Variants in SRCIN1 observed in about 807,000 individuals in gnomAD.
The protein encoded by SRCIN1 is P130Cas-associated protein.
Under a neutral mutation model 116.2 loss-of-function variants are expected in SRCIN1, and 50 were observed. The ratio of observed to expected loss-of-function variants is 0.43; its 90% CI spans 0.34 to 0.54. SRCIN1 has a LOEUF of 0.54. Ranked by LOEUF, SRCIN1 falls within the 20% of genes least tolerant of loss-of-function variation. The pLI is 0.02. For missense variants in SRCIN1, 1,446 were observed against 1,672.0 expected (o/e 0.86, Z 2.36); for synonymous variants, 736 against 750.0 (o/e 0.98, Z 0.30).
At chr17:38,603,570 C>T (rs1909184452) in intron 1 of SRCIN1, among the ~76,000 whole-genome samples, 1 of 152,090 alleles carries the variant, frequency 6.6e-6, no homozygotes, top group Non-Finnish European at 1.5e-5. Context: ...TGAGGGTCAT[C>T]ACAGAGAACC....
In SRCIN1 at chr17:38,561,902, G is replaced by A. The variant is rs1360544322; in HGVS notation, c.1261C>T (p.Pro421Ser). ...CGCTTGTAGAGGCCGCCGGCGCCCG[G>A]GTAGGCGAACGGGTCGCCGGCGGCC... The part of the protein sequence containing the change: ...AAAAGDPFAY[P>S]GAGGLYKRGS... The change falls in exon 7 of 19, where the codon CCG becomes TCG. Residue 421 changes from proline (P) to serine (S), a missense_variant. By Grantham distance (74) the Pro-to-Ser change is moderately conservative. Transcript: ENST00000617146. 2.1e-6 allele frequency: 3 copies of A among 1,445,830 alleles called. No individual in the cohort carries two copies. Among genetic ancestry groups the A allele is most frequent in the Non-Finnish European group, 2.7e-6 (3 of 1,115,372 alleles). 89.6% of individuals were successfully genotyped at this position (1,445,830 alleles called of 1,614,324 possible).
chr17:38,601,673 C>CAG (rs1287285751), intron 1 of SRCIN1, among the ~76,000 whole-genome samples: 4 of 151,958 alleles, frequency 2.6e-5, no homozygotes, highest in African/African-American at 9.7e-5. Context: ...CACACACACA[C>CAG]ACACACACAT....
intron 2 of SRCIN1, among the ~76,000 whole-genome samples, chr17:38,576,307 C>T (rs898852126): frequency 6.6e-6 from 1 of 152,154 alleles, no homozygotes; most frequent in East Asian, 1.9e-4. Context: ...ATACCCTCTG[C>T]GCCCACAAAT....
intron 14 of SRCIN1, 175 bp downstream of exon 14, chr17:38,551,711 G>T: frequency 1.0e-6 from 1 of 985,810 alleles, no homozygotes; most frequent in Non-Finnish European, 1.5e-6. Flanking sequence ...TACGCTTTCT[G>T]TCTAGGAGGG....
At position 38,530,472 on chromosome 17, in the gene SRCIN1, T is replaced by G. The variant is rs1350271854; in HGVS notation, c.*2825A>C. 1.3e-5 allele frequency: 2 copies of G among 152,308 alleles called. No homozygotes were observed. The highest frequency in any genetic ancestry group is 2.4e-5 in the African/African-American group (1 of 41,246). The allele number at this position is 152,308 out of a possible 1,614,324, so 9.4% of individuals were successfully genotyped here. A position where few individuals can be genotyped will look rare whatever the true frequency, so the allele number is the denominator to read the frequency against. On this transcript the variant is annotated 3_prime_UTR_variant, in exon 19 of 19. Transcript: ENST00000617146. Reference sequence around the variant, plus strand: ...TTTCTCTTGGTCAAGCACACACTGATGGACAGAGCAGCGAGGCGCATGCAG... The same window carrying G: ...TTTCTCTTGGTCAAGCACACACTGAGGGACAGAGCAGCGAGGCGCATGCAG...
At position 38,533,106 on chromosome 17, in the gene SRCIN1, A is replaced by AAC. The variant is rs1555603733; in HGVS notation, c.*190_*191insGT. ...TAAAAGTTAATTGTTAAAAAAAAAA[A>AAC]AAAAAACAAAACCAAAAACACCAAC... On this transcript the variant is annotated 3_prime_UTR_variant, in exon 19 of 19. Coordinates refer to ENST00000617146, the MANE Select transcript of SRCIN1 (RefSeq NM_025248.3). The AAC allele has an allele frequency of 3.1e-3, 1,354 of 443,212 alleles. 10 individuals carry two copies. The highest frequency in any genetic ancestry group is 3.1e-3 in the Non-Finnish European group (868 of 284,574). The allele number at this position is 443,212 out of a possible 1,614,324, so 27.5% of individuals were successfully genotyped here.
chr17:38,555,497 C>T (rs1905726274), intron 11 of SRCIN1, among the ~76,000 whole-genome samples: 1 of 152,186 alleles, frequency 6.6e-6, no homozygotes, highest in Non-Finnish European at 1.5e-5. Context: ...ATGTTTATTA[C>T]TTTTGAATTA....
chr17:38,548,406 G>A, intron 17 of SRCIN1, 151 bp downstream of exon 17: 3 of 891,200 alleles, frequency 3.4e-6, no homozygotes, highest in Non-Finnish European at 5.1e-6. Context: ...GAGAAGAAAT[G>A]GAGGCAAAAG....
At chr17:38,543,484 T>C (rs148139006) in intron 18 of SRCIN1, among the ~76,000 whole-genome samples, 380 of 152,250 alleles carry the variant, frequency 2.5e-3, no homozygotes, top group African/African-American at 8.4e-3. Flanking sequence ...GACCCAGGCG[T>C]TGGGGCTGCT....
upstream of SRCIN1, chr17:38,606,076 G>C (rs1399818067): frequency 6.7e-6 from 1 of 149,272 alleles, no homozygotes; most frequent in Admixed American, 6.6e-5. This position sits in a 1 kb window ranked among gnomAD's most constrained non-coding sequence, Gnocchi z 5.2. Flanking sequence ...AGGGGAGGGG[G>C]CACTGCGCCT....
chr17:38,602,299 GC>G lies in SRCIN1; in HGVS notation c.22+3384del, dbSNP rs1309524357. On this transcript the variant is annotated intron_variant, in intron 1 of 18. Transcript: ENST00000617146. This position sits in a 1 kb window ranked among gnomAD's most constrained non-coding sequence, Gnocchi z 4.2. ...AGAGCTTGGAATGAAAGAAGGGGAA[GC>G]GAGTACAGCCCTCAAACCCGCTGAC... The G allele has an allele frequency of 1.3e-5, 2 of 152,230 alleles. No individual in the cohort carries two copies. Among genetic ancestry groups the G allele is most frequent in the Non-Finnish European group, 2.9e-5 (2 of 68,040 alleles). The allele number at this position is 152,230 out of a possible 1,614,324, so 9.4% of individuals were successfully genotyped here. A position where few individuals can be genotyped will look rare whatever the true frequency, so the allele number is the denominator to read the frequency against.
At chr17:38,573,380 G>T (rs1907217817) in intron 2 of SRCIN1, among the ~76,000 whole-genome samples, 1 of 152,144 alleles carries the variant, frequency 6.6e-6, no homozygotes, top group Non-Finnish European at 1.5e-5. Context: ...AAAGTCTCTG[G>T]TCCTGCACTT....
intron 18 of SRCIN1, among the ~76,000 whole-genome samples, chr17:38,535,252 A>G (rs1188008082): frequency 7.8e-6 from 1 of 127,442 alleles, no homozygotes; most frequent in East Asian, 2.3e-4. Context: ...CTTGTTGTCC[A>G]GGCTGGAGTA....
chr17:38,556,994 T>A (rs1043517440), intron 11 of SRCIN1, among the ~76,000 whole-genome samples: 4 of 151,836 alleles, frequency 2.6e-5, no homozygotes, highest in African/African-American at 9.7e-5. Flanking sequence ...TCTGGAGAAA[T>A]GGAATTCCCT....
At chr17:38,546,905 T>C (rs1394517673) in intron 17 of SRCIN1, among the ~76,000 whole-genome samples, 1 of 101,996 alleles carries the variant, frequency 9.8e-6, no homozygotes, top group Non-Finnish European at 1.8e-5. Flanking sequence ...GCTCTCCTTC[T>C]CCAGAGCGGA....
chr17:38,577,546 G>A (rs1175387527), intron 2 of SRCIN1, among the ~76,000 whole-genome samples: 1 of 152,156 alleles, frequency 6.6e-6, no homozygotes, highest in East Asian at 1.9e-4. Context: ...AGGGAGACAG[G>A]GACTGACACA....
rs115618292 is a variant in SRCIN1 at position 38,577,228 on chromosome 17, C to G, written c.324+1262G>C. On this transcript the variant is annotated intron_variant, in intron 2 of 18. Transcript: ENST00000617146. ...TAAACCCCGTCCCAACTGACTGTTCCCCTCCCCAGCTAGATGACAAATGCC... is the reference window on the plus strand; with the variant it reads ...TAAACCCCGTCCCAACTGACTGTTCGCCTCCCCAGCTAGATGACAAATGCC... Among the ~76,000 whole-genome samples, 6 of 152,318 alleles carry G rather than the reference C, an allele frequency of 3.9e-5. No homozygotes were observed. The East Asian group carries it at 1.2e-3, about 29-fold the overall frequency.
At position 38,533,449 on chromosome 17, in the gene SRCIN1, G is replaced by A. The variant is rs780671043; in HGVS notation, c.3418-18C>T. 1.9e-6 allele frequency: 3 copies of A among 1,611,426 alleles called. No individual in the cohort carries two copies. The South Asian group carries it at 3.3e-5, about 18-fold the overall frequency. ...TTAGTGGCCTGGAACAAAAACAGGG[G>A]TCAGGGGTCAGAGAGCGGAAGGGAG... is the stretch of plus-strand genomic sequence containing the variant. On this transcript the variant is annotated intron_variant, in intron 18 of 18. Coordinates refer to ENST00000617146, the MANE Select transcript of SRCIN1 (RefSeq NM_025248.3).
rs2144873290 is a variant in SRCIN1, at chr17:38,533,427, G to A, written c.3422C>T (p.Thr1141Ile). The A allele has an allele frequency of 6.2e-7, 1 of 1,613,072 alleles. No individual in the cohort carries two copies. The highest frequency in any genetic ancestry group is 8.5e-7 in the Non-Finnish European group (1 of 1,179,594). The stretch of plus-strand genomic sequence containing the variant: ...CCCGCTCATCTCTTTAGATGGTTTA[G>A]TGGCCTGGAACAAAAACAGGGGTCA... ...YMRIQAQQQATKPSKEMSGSN... is the reference protein window; with the variant it reads ...YMRIQAQQQAIKPSKEMSGSN... The change falls in exon 19 of 19, where the codon ACT becomes ATT. Residue 1141 changes from threonine (T) to isoleucine (I), a missense_variant. This residue lies in a region of SRCIN1 where 531 missense variants were observed against 633.9 expected (regional missense o/e 0.84). Transcript: ENST00000617146.
Sources: allele counts gnomAD v4.1 joint callset (sites outside exome capture counted in the v4.1 genomes callset), GRCh38; gene constraint gnomAD v4.1.1; regional missense constraint gnomAD v4.1.1; non-coding constraint Gnocchi (gnomAD v3.1); transcripts MANE v1.5; gene names NCBI Gene and HGNC (gene_info 2026-07-23, HGNC 2026-07-21).